The following GPR107 variants were observed in gnomAD, a reference collection of about 807,000 sequenced individuals.
GPR107 encodes the protein G protein-coupled receptor 107, also known as protein GPR107.
A neutral mutation model predicts 75.5 loss-of-function variants in GPR107; 31 were observed. That is an observed-to-expected ratio of 0.41 (90% confidence interval 0.31 to 0.55). The LOEUF is 0.55. GPR107 is among the 20% of genes least tolerant of loss of function. The pLI is 0.26. For synonymous variants in GPR107, 267 were observed against 251.3 expected (o/e 1.06, Z -0.59); for missense variants, 572 against 665.7 (o/e 0.86, Z 1.55).
intron 9 of GPR107, among the ~76,000 whole-genome samples, chr9:130,099,154 A>G (rs1374963832): frequency 6.6e-6 from 1 of 152,124 alleles, no homozygotes. Context: ...TATAAAAAAT[A>G]CAAAACAAAT....
In GPR107 at chr9:130,137,646, TCTC is replaced by T. The variant is rs1831991400; in HGVS notation, c.*2526_*2528del. 6.6e-6 allele frequency: 1 copy of T among 152,224 alleles called. No homozygotes were observed. The highest frequency in any genetic ancestry group is 1.5e-5 in the Non-Finnish European group (1 of 68,036). The allele number at this position is 152,224 out of a possible 1,614,324, so 9.4% of individuals were successfully genotyped here. ...TCCATCCTGTTCTGTGAGTGTGTCT[TCTC>T]TTTCTCCTTCACGTCATAGCCGTGA... is the stretch of plus-strand genomic sequence containing the variant. On this transcript the variant is annotated 3_prime_UTR_variant, in exon 18 of 18. Coordinates refer to ENST00000347136, the MANE Select transcript of GPR107 (RefSeq NM_020960.5).
At chr9:130,071,072 G>A (rs1830197442) in intron 1 of GPR107, among the ~76,000 whole-genome samples, 1 of 116,672 alleles carries the variant, frequency 8.6e-6, no homozygotes, top group Non-Finnish European at 1.6e-5. Flanking sequence ...GTCACACTCT[G>A]TGGCGCAGGC....
In GPR107 at chr9:130,135,407, GTTTC is replaced by G; in HGVS notation, c.*290_*293del. ...AAGGAAGAATTCATTTTTAATTTAG[GTTTC>G]TTTTTTTCTTCTTCATTTCGGAGCT... is the stretch of plus-strand genomic sequence containing the variant. On this transcript the variant is annotated 3_prime_UTR_variant, in exon 18 of 18. Coordinates refer to ENST00000347136, the MANE Select transcript of GPR107 (RefSeq NM_020960.5). The G allele has an allele frequency of 5.9e-6, 2 of 341,426 alleles. No homozygotes were observed. The highest frequency in any genetic ancestry group is 1.1e-5 in the Non-Finnish European group (2 of 187,374). 21.1% of individuals were successfully genotyped at this position (341,426 alleles called of 1,614,324 possible).
intron 1 of GPR107, among the ~76,000 whole-genome samples, chr9:130,071,232 G>C (rs560590973): frequency 6.8e-6 from 1 of 146,456 alleles, no homozygotes; most frequent in African/African-American, 2.5e-5. Flanking sequence ...TTTCTCTGTT[G>C]CCTAGGGTGG....
intron 9 of GPR107, among the ~76,000 whole-genome samples, chr9:130,099,242 G>A (rs1830953327): frequency 6.6e-6 from 1 of 151,934 alleles, no homozygotes; most frequent in Non-Finnish European, 1.5e-5. Context: ...GCTTGAGCCT[G>A]AGTTCAAGGC....
intron 1 of GPR107, among the ~76,000 whole-genome samples, chr9:130,065,997 A>G (rs1039344009): frequency 2.0e-5 from 3 of 152,014 alleles, no homozygotes; most frequent in African/African-American, 7.3e-5. Context: ...GTATCTGGAA[A>G]GTTTTGGGAA....
intron 14 of GPR107, among the ~76,000 whole-genome samples, chr9:130,109,720 C>G (rs767114489): frequency 6.6e-6 from 1 of 151,940 alleles, no homozygotes; most frequent in Non-Finnish European, 1.5e-5. Context: ...CAGGCACCCA[C>G]CACCACACCC....
chr9:130,093,242 C>G (rs573733666), intron 9 of GPR107, among the ~76,000 whole-genome samples: 5 of 151,986 alleles, frequency 3.3e-5, no homozygotes, highest in Non-Finnish European at 7.4e-5. Context: ...GCTTTAACTT[C>G]CTGTACTTGG....
chr9:130,077,481 G>C (rs995294240), intron 4 of GPR107, 103 bp downstream of exon 4: 1 of 702,866 alleles, frequency 1.4e-6, no homozygotes, highest in Non-Finnish European at 2.6e-6. Context: ...GCCAGAGACC[G>C]TGCTGAGTGC....
At chr9:130,074,981 T>G (rs539296964) in intron 1 of GPR107, among the ~76,000 whole-genome samples, 1 of 150,886 alleles carries the variant, frequency 6.6e-6, no homozygotes, top group African/African-American at 2.4e-5. Context: ...GATAACATGG[T>G]TCCTCCTGCC....
chr9:130,069,346 T>C (rs1453986911), intron 1 of GPR107, among the ~76,000 whole-genome samples: 1 of 152,152 alleles, frequency 6.6e-6, no homozygotes, highest in South Asian at 2.1e-4. Context: ...GTGTCAGTGC[T>C]AATGGAAATG....
intron 15 of GPR107, among the ~76,000 whole-genome samples, chr9:130,125,669 C>G (rs1315891667): frequency 1.3e-4 from 19 of 148,216 alleles, no homozygotes; most frequent in African/African-American, 4.5e-4. Context: ...TAGTGCGATC[C>G]CGGCCACTAT....
At chr9:130,065,612 C>G (rs766738489) in intron 1 of GPR107, among the ~76,000 whole-genome samples, 5 of 150,044 alleles carry the variant, frequency 3.3e-5, no homozygotes, top group African/African-American at 4.9e-5. Flanking sequence ...CCAAAAAATG[C>G]AAAAATTAGC....
At chr9:130,125,089 G>GTTTTTT (rs1831640326) in intron 15 of GPR107, 125 bp downstream of exon 15, 3 of 100,690 alleles carry the variant, frequency 3.0e-5, no homozygotes, top group Admixed American at 2.3e-4. Flanking sequence ...AGTGTGGCTT[G>GTTTTTT]CTTTTTTTTT....
chr9:130,071,334 C>CT (rs79204942), intron 1 of GPR107, among the ~76,000 whole-genome samples: 11,812 of 151,014 alleles, frequency 0.078, 584 homozygotes, highest in Admixed American at 0.13. Context: ...GCCCCTCACC[C>CT]TTTTTTTTTC....
intron 1 of GPR107, among the ~76,000 whole-genome samples, chr9:130,072,623 T>C (rs1274555849): frequency 6.6e-6 from 1 of 152,122 alleles, no homozygotes; most frequent in Non-Finnish European, 1.5e-5. Flanking sequence ...GTTTTTATTG[T>C]TTAAAATAGT....
At chr9:130,104,576 C>T (rs1279139681) in intron 13 of GPR107, 26 bp downstream of exon 13, 1 of 1,602,984 alleles carries the variant, frequency 6.2e-7, no homozygotes, top group South Asian at 1.1e-5. Flanking sequence ...GGAGGGAGGC[C>T]ACATGACAGC....
intron 1 of GPR107, among the ~76,000 whole-genome samples, chr9:130,075,041 C>T (rs1830309286): frequency 6.6e-6 from 1 of 151,766 alleles, no homozygotes; most frequent in African/African-American, 2.4e-5. Flanking sequence ...AGAACCCATA[C>T]CAATGCATTG....
At chr9:130,077,485 T>C in intron 4 of GPR107, 107 bp downstream of exon 4, 1 of 700,700 alleles carries the variant, frequency 1.4e-6, no homozygotes, top group Non-Finnish European at 2.6e-6. Flanking sequence ...GAGACCGTGC[T>C]GAGTGCTGGA....
Sources: allele counts gnomAD v4.1 joint callset (sites outside exome capture counted in the v4.1 genomes callset), GRCh38; gene constraint gnomAD v4.1.1; transcripts MANE v1.5; gene names NCBI Gene and HGNC (gene_info 2026-07-23, HGNC 2026-07-21).